The following TIAM2 variants were observed in gnomAD, a reference collection of about 807,000 sequenced individuals.
The protein encoded by TIAM2 is TIAM Rac1 associated GEF 2.
In TIAM2, 80 loss-of-function variants were observed where a neutral mutation model predicts 152.9. The ratio of observed to expected loss-of-function variants is 0.52; its 90% CI spans 0.44 to 0.63. The LOEUF (loss-of-function observed/expected upper bound fraction) is 0.63, where lower values mean the gene tolerates loss of function less well. Ranked by LOEUF, TIAM2 falls within the 30% of genes least tolerant of loss-of-function variation. TIAM2 has a pLI of 0.00. For missense variants in TIAM2, 1,965 were observed against 2,120.1 expected (o/e 0.93, Z 1.44); for synonymous variants, 804 against 838.0 (o/e 0.96, Z 0.70).
intron 2 of TIAM2, among the ~76,000 whole-genome samples, chr6:155,100,997 G>A (rs1230415705): frequency 6.6e-6 from 1 of 152,170 alleles, no homozygotes; most frequent in Non-Finnish European, 1.5e-5. Context: ...TGAATTGCAC[G>A]TCAGTTGTAC....
chr6:155,227,396 T>C (rs555896627), intron 15 of TIAM2, among the ~76,000 whole-genome samples: 2 of 152,340 alleles, frequency 1.3e-5, no homozygotes, highest in South Asian at 4.1e-4. Context: ...ATTGAACAGA[T>C]ATTACCAGCC....
chr6:154,996,872 G>T (rs971481075), intron 1 of TIAM2, among the ~76,000 whole-genome samples: 2 of 152,184 alleles, frequency 1.3e-5, no homozygotes, highest in South Asian at 4.1e-4. Flanking sequence ...TTGCTTTAGG[G>T]TGTCAGAGGT....
intron 1 of TIAM2, among the ~76,000 whole-genome samples, chr6:155,039,150 C>T (rs1247386063): frequency 1.3e-5 from 2 of 151,210 alleles, no homozygotes; most frequent in East Asian, 2.0e-4. Flanking sequence ...TGTGTGGAGA[C>T]GGGGTTTGCC....
In TIAM2 at chr6:155,129,712, C is replaced by G; in HGVS notation, c.489C>G (p.Ile163Met). The change falls in exon 4 of 27, where the codon ATC becomes ATG. Residue 163 changes from isoleucine to methionine, a missense_variant. Ile to Met is a conservative substitution (Grantham distance 10). This residue lies in a region of TIAM2 where 1,025 missense variants were observed against 1,119.4 expected (regional missense o/e 0.92). Transcript: ENST00000682666. The surrounding 1 kb of genome is among the most constrained non-coding windows in gnomAD (Gnocchi z 4.8). ...ACCGCAAGAGCCCCCGAGTGCTCAT[C>G]AAAACGCTGGGGAAGCTGGATGGGT... The part of the protein sequence containing the change: ...GEDRKSPRVL[I>M]KTLGKLDGCL... The G allele has an allele frequency of 6.2e-7, 1 of 1,614,098 alleles. No individual in the cohort carries two copies. The highest frequency in any genetic ancestry group is 8.5e-7 in the Non-Finnish European group (1 of 1,180,028).
intron 1 of TIAM2, among the ~76,000 whole-genome samples, chr6:155,064,945 C>T (rs1777657868): frequency 2.0e-5 from 3 of 150,172 alleles, no homozygotes; most frequent in Admixed American, 6.7e-5. Context: ...AAGTTTGTTC[C>T]TATATACAGT....
chr6:155,029,714 C>A, intron 1 of TIAM2, among the ~76,000 whole-genome samples: 1 of 136,966 alleles, frequency 7.3e-6, no homozygotes, highest in African/African-American at 2.7e-5. Context: ...TAACTATATA[C>A]AGAGTTATAT....
intron 1 of TIAM2, chr6:155,013,796 C>T (rs1376530698): frequency 6.6e-6 from 1 of 152,144 alleles, no homozygotes; most frequent in African/African-American, 2.4e-5. Context: ...CGTGGAGGAG[C>T]ACTTACAGGG....
intron 1 of TIAM2, among the ~76,000 whole-genome samples, chr6:155,084,729 A>G (rs1042443957): frequency 1.3e-5 from 2 of 152,164 alleles, no homozygotes; most frequent in Non-Finnish European, 2.9e-5. Flanking sequence ...TGCTGTTTTC[A>G]TTGTAATTAG....
At chr6:155,128,318 A>G (rs1779344395) in intron 3 of TIAM2, among the ~76,000 whole-genome samples, 2 of 152,040 alleles carry the variant, frequency 1.3e-5, no homozygotes, top group Admixed American at 1.3e-4. Flanking sequence ...TTTTCATCTC[A>G]GCCTCATTTT....
intron 2 of TIAM2, among the ~76,000 whole-genome samples, chr6:155,125,946 A>C (rs950999211): frequency 2.0e-5 from 3 of 152,234 alleles, no homozygotes; most frequent in African/African-American, 4.8e-5. Flanking sequence ...AGAATAACCT[A>C]ATGCTATTGC....
chr6:155,060,186 C>G (rs1011464481), intron 1 of TIAM2, among the ~76,000 whole-genome samples: 2 of 151,446 alleles, frequency 1.3e-5, no homozygotes, highest in Non-Finnish European at 2.9e-5. Context: ...GGCAAATCAC[C>G]TGAGGTTGGG....
At chr6:155,120,973 G>C (rs1205740485) in intron 2 of TIAM2, among the ~76,000 whole-genome samples, 1 of 152,160 alleles carries the variant, frequency 6.6e-6, no homozygotes, top group African/African-American at 2.4e-5. Context: ...TAATGAGAGT[G>C]TATGGCTTGT....
At chr6:155,084,429 T>C (rs1173993096) in intron 1 of TIAM2, among the ~76,000 whole-genome samples, 2 of 152,262 alleles carry the variant, frequency 1.3e-5, no homozygotes, top group African/African-American at 4.8e-5. Flanking sequence ...TGCTAACTTT[T>C]GTATCCTTGA....
Position 155,250,871 on chromosome 6 carries a change from G to A in TIAM2, c.3952-42G>A, listed in dbSNP as rs751266699. ...TATCTAACAAGAGATCATCTAGCCT[G>A]GGATTTCCGTATCTTCCTTACCTCC... is the stretch of plus-strand genomic sequence containing the variant. On this transcript the variant is annotated intron_variant, in intron 21 of 26. Transcript: ENST00000682666. The A allele has an allele frequency of 2.5e-6, 4 of 1,582,748 alleles. No individual in the cohort carries two copies. The Admixed American group carries it at 6.7e-5, about 26-fold the overall frequency.
Position 155,218,395 on chromosome 6 carries a change from C to CAGTG in TIAM2, c.3168+7089_3168+7092dup, listed in dbSNP as rs1781923374. ...ATTCCAGGTAGCCCTTTCTTGGAGG[C>CAGTG]AGTGGTATGTTGGAAAGAACTCGAC... On this transcript the variant is annotated intron_variant, in intron 15 of 26. Coordinates refer to ENST00000682666, the MANE Select transcript of TIAM2 (RefSeq NM_012454.4). The surrounding 1 kb of genome is among the most constrained non-coding windows in gnomAD (Gnocchi z 4.5). 6.6e-6 allele frequency among the ~76,000 whole-genome samples: 1 copy of CAGTG among 152,176 alleles called. No individual in the cohort carries two copies. The highest frequency in any genetic ancestry group is 1.5e-5 in the Non-Finnish European group (1 of 68,030).
At chr6:155,250,377 G>A (rs1230678280) in intron 21 of TIAM2, among the ~76,000 whole-genome samples, 4 of 145,506 alleles carry the variant, frequency 2.7e-5, no homozygotes, top group African/African-American at 5.1e-5. Flanking sequence ...GACATTTTCT[G>A]TATTTTTCCT....
In TIAM2 at chr6:154,995,765, C is replaced by G. The variant is rs1004925519; in HGVS notation, c.-209+273C>G. 6.6e-6 allele frequency among the ~76,000 whole-genome samples: 1 copy of G among 152,314 alleles called. No individual in the cohort carries two copies. The highest frequency in any genetic ancestry group is 1.9e-4 in the East Asian group (1 of 5,166). On this transcript the variant is annotated intron_variant, in intron 1 of 26. Coordinates refer to ENST00000682666, the MANE Select transcript of TIAM2 (RefSeq NM_012454.4). This position sits in a 1 kb window ranked among gnomAD's most constrained non-coding sequence, Gnocchi z 5.2. ...TTTCCAGAAGGCTCTGAAACTAGGT[C>G]CCCTGGTCCCCTCGCGCTGCGCGAC... is the stretch of plus-strand genomic sequence containing the variant.
chr6:155,011,832 A>G (rs1778494093), intron 1 of TIAM2, among the ~76,000 whole-genome samples: 1 of 152,238 alleles, frequency 6.6e-6, no homozygotes, highest in Non-Finnish European at 1.5e-5. Context: ...TATTCTTGTA[A>G]ATGCAGAGAG....
chr6:155,044,504 C>G, intron 1 of TIAM2, among the ~76,000 whole-genome samples: 1 of 152,164 alleles, frequency 6.6e-6, no homozygotes, highest in Non-Finnish European at 1.5e-5. Context: ...CTATTATTGT[C>G]TTAGTTAGCT....
Sources: allele counts gnomAD v4.1 joint callset (sites outside exome capture counted in the v4.1 genomes callset), GRCh38; gene constraint gnomAD v4.1.1; regional missense constraint gnomAD v4.1.1; non-coding constraint Gnocchi (gnomAD v3.1); transcripts MANE v1.5; gene names NCBI Gene and HGNC (gene_info 2026-07-23, HGNC 2026-07-21).